The following NXN variants were observed in gnomAD, a reference collection of about 807,000 sequenced individuals.
NXN encodes the protein nucleoredoxin 1.
Under a neutral mutation model 48.6 loss-of-function variants are expected in NXN, and 16 were observed. The observed-to-expected ratio is 0.33, with a 90% CI of 0.22 to 0.50. The LOEUF is 0.50. NXN is among the 20% of genes least tolerant of loss of function. The pLI, the probability that NXN is intolerant of heterozygous loss-of-function variation, is 0.98. For synonymous variants in NXN, 281 were observed against 269.6 expected, an observed-to-expected ratio of 1.04 and a Z score of -0.41; for missense variants, 492 against 605.5, an observed-to-expected ratio of 0.81 and a Z score of 1.97.
intron 1 of NXN, among the ~76,000 whole-genome samples, chr17:839,065 T>TAAC (rs1165299043): frequency 6.6e-6 from 1 of 152,148 alleles, no homozygotes; most frequent in Non-Finnish European, 1.5e-5. Flanking sequence ...ATGAGGATAA[T>TAAC]AACAACACTG....
intron 5 of NXN, among the ~76,000 whole-genome samples, chr17:811,989 AAG>A: frequency 7.7e-6 from 1 of 129,262 alleles, no homozygotes; most frequent in African/African-American, 3.2e-5. Context: ...GTGCAGTGGC[AAG>A]ATCTCGGCTC....
chr17:967,770 G>C (rs2069324066), intron 1 of NXN, among the ~76,000 whole-genome samples: 1 of 152,196 alleles, frequency 6.6e-6, no homozygotes, highest in Non-Finnish European at 1.5e-5. Context: ...AGGAGATCAA[G>C]ACCATCCTGG....
chr17:866,695 T>C (rs1045785821), intron 1 of NXN, among the ~76,000 whole-genome samples: 1 of 152,208 alleles, frequency 6.6e-6, no homozygotes, highest in Non-Finnish European at 1.5e-5. Flanking sequence ...AAAGAAAAAG[T>C]CCTGGCAGCC....
chr17:906,420 C>T (rs909416944), intron 1 of NXN, among the ~76,000 whole-genome samples: 1 of 152,068 alleles, frequency 6.6e-6, no homozygotes, highest in Non-Finnish European at 1.5e-5. Context: ...ACTTAAACAG[C>T]TCTGGTCAAG....
chr17:811,905 G>A (rs1156626943), intron 5 of NXN, among the ~76,000 whole-genome samples: 4 of 150,464 alleles, frequency 2.7e-5, no homozygotes, highest in East Asian at 2.0e-4. Flanking sequence ...CGGGTTGTGC[G>A]GTTACCCAGT....
chr17:893,535 C>CT (rs778011666), intron 1 of NXN, among the ~76,000 whole-genome samples: 7 of 151,752 alleles, frequency 4.6e-5, no homozygotes, highest in Non-Finnish European at 8.8e-5. Context: ...AGCATCTCAA[C>CT]GCCTGGAAGC....
At chr17:803,289 C>T (rs1911303907) in intron 7 of NXN, among the ~76,000 whole-genome samples, 1 of 152,178 alleles carries the variant, frequency 6.6e-6, no homozygotes, top group Admixed American at 6.5e-5. Context: ...AGCCAGGATC[C>T]CTCTGATGAG....
chr17:925,634 C>T (rs1039726064), intron 1 of NXN, among the ~76,000 whole-genome samples: 1 of 152,192 alleles, frequency 6.6e-6, no homozygotes. Flanking sequence ...GGTGATCCGC[C>T]CGCCTCAGTC....
intron 1 of NXN, among the ~76,000 whole-genome samples, chr17:892,659 G>A (rs746304840): frequency 1.1e-4 from 17 of 152,194 alleles, no homozygotes; most frequent in Non-Finnish European, 1.9e-4. Flanking sequence ...GTGGGGGGGT[G>A]CTGTTCCGCA....
Position 800,668 on chromosome 17 carries a change from G to C in NXN, c.*281C>G. The C allele has an allele frequency of 7.7e-6, 2 of 258,282 alleles. No individual in the cohort carries two copies. Among genetic ancestry groups the C allele is most frequent in the Non-Finnish European group, 1.5e-5 (2 of 136,318 alleles). 16.0% of individuals were successfully genotyped at this position (258,282 alleles called of 1,614,324 possible). A position where few individuals can be genotyped will look rare whatever the true frequency, so the allele number is the denominator to read the frequency against. On this transcript the variant is annotated 3_prime_UTR_variant, in exon 8 of 8. Coordinates refer to ENST00000336868, the MANE Select transcript of NXN (RefSeq NM_022463.5). Reference sequence around the variant, plus strand: ...CACCCTGGCAGATCCTTCACCAAAAGCTAGTGACTTTGCGAAAGCCATGCA... The same window carrying C: ...CACCCTGGCAGATCCTTCACCAAAACCTAGTGACTTTGCGAAAGCCATGCA...
At chr17:929,196 G>A (rs931633847) in intron 1 of NXN, among the ~76,000 whole-genome samples, 10 of 152,236 alleles carry the variant, frequency 6.6e-5, no homozygotes, top group African/African-American at 2.4e-4. Flanking sequence ...AGCTGGAGGT[G>A]AGCGCCGGCT....
intron 3 of NXN, among the ~76,000 whole-genome samples, chr17:822,750 G>A (rs1456076921): frequency 6.6e-6 from 1 of 152,142 alleles, no homozygotes; most frequent in Non-Finnish European, 1.5e-5. Context: ...ACAAGCACCC[G>A]CATTGTCCCT....
chr17:868,361 C>G (rs1026701244), intron 1 of NXN, among the ~76,000 whole-genome samples: 1 of 152,236 alleles, frequency 6.6e-6, no homozygotes, highest in African/African-American at 2.4e-5. Context: ...CCGTATCTCC[C>G]TCGAACTCTC....
intron 5 of NXN, among the ~76,000 whole-genome samples, chr17:809,708 T>G: frequency 6.6e-6 from 1 of 150,742 alleles, no homozygotes; most frequent in Non-Finnish European, 1.5e-5. Flanking sequence ...TATTAAGTGA[T>G]CATGAAAATG....
chr17:924,073 T>G (rs1483217478), intron 1 of NXN, among the ~76,000 whole-genome samples: 1 of 151,730 alleles, frequency 6.6e-6, no homozygotes, highest in Non-Finnish European at 1.5e-5. Context: ...TCAAAAAGTT[T>G]TTTTTTTTTT....
rs577718486 is a variant in NXN, at chr17:924,160, T to C, written c.360+55159A>G. Among the ~76,000 whole-genome samples the C allele has an allele frequency of 2.6e-5, 4 of 152,304 alleles. No homozygotes were observed. In the South Asian group the frequency reaches 8.3e-4, roughly 32 times the overall value. On this transcript the variant is annotated intron_variant, in intron 1 of 7. Transcript: ENST00000336868. ...CTGGGCTCAAGGGTCTTCCCACCTC[T>C]GCATCCTGCATATCTGGGACCACAG... is the stretch of plus-strand genomic sequence containing the variant.
intron 1 of NXN, among the ~76,000 whole-genome samples, chr17:947,732 CAAAAA>C (rs1159185042): frequency 8.2e-5 from 3 of 36,670 alleles, no homozygotes; most frequent in Non-Finnish European, 1.7e-4. Context: ...GGCTCCCTCT[CAAAAA>C]AAAAAAAAAA....
chr17:879,280 G>C (rs1250554036), intron 1 of NXN, among the ~76,000 whole-genome samples: 1 of 148,234 alleles, frequency 6.7e-6, no homozygotes, highest in Non-Finnish European at 1.5e-5. Context: ...TTTGGTTTTT[G>C]GTTTTTGGTT....
intron 1 of NXN, among the ~76,000 whole-genome samples, chr17:943,950 A>G (rs564601687): frequency 1.5e-3 from 222 of 149,552 alleles, no homozygotes; most frequent in African/African-American, 5.2e-3. Flanking sequence ...AAAAATAACA[A>G]TATTTGGCCG....
Sources: gnomAD v4.1 joint callset for allele counts (sites outside exome capture counted in the v4.1 genomes callset) on GRCh38, gnomAD v4.1.1 for gene constraint, MANE v1.5 for transcripts, NCBI Gene and HGNC (gene_info 2026-07-23, HGNC 2026-07-21) for gene names.